The following PRR5L variants were observed in gnomAD, a reference collection of about 807,000 sequenced individuals.
PRR5L encodes the protein proline rich 5 like.
Under a neutral mutation model 36.4 loss-of-function variants are expected in PRR5L, and 21 were observed. The ratio of observed to expected loss-of-function variants is 0.58; its 90% CI spans 0.41 to 0.83. PRR5L has a LOEUF of 0.83. PRR5L is among the 40% of genes least tolerant of loss of function. PRR5L has a pLI of 0.00. For synonymous variants in PRR5L, 188 were observed against 197.0 expected (o/e 0.95, Z 0.38); for missense variants, 381 against 473.3 (o/e 0.80, Z 1.81).
chr11:36,390,874 T>G (rs1343210629), intron 1 of PRR5L, among the ~76,000 whole-genome samples: 1 of 152,206 alleles, frequency 6.6e-6, no homozygotes, highest in African/African-American at 2.4e-5. Flanking sequence ...ATCAAGGTTG[T>G]CATTAGAAAG....
intron 1 of PRR5L, among the ~76,000 whole-genome samples, chr11:36,347,753 A>G (rs547120718): frequency 1.3e-5 from 2 of 152,020 alleles, no homozygotes; most frequent in Admixed American, 6.6e-5. Flanking sequence ...TCCAGCCAGC[A>G]TGTAAGGGCG....
intron 6 of PRR5L, 89 bp downstream of exon 6, chr11:36,437,565 G>A (rs905924676): frequency 2.6e-6 from 2 of 764,438 alleles, no homozygotes; most frequent in African/African-American, 1.8e-5. Context: ...TGGTAAATGG[G>A]AGAAAACTTG....
chr11:36,448,526 A>C (rs147966821), intron 7 of PRR5L, among the ~76,000 whole-genome samples: 204 of 152,292 alleles, frequency 1.3e-3, no homozygotes, highest in African/African-American at 4.7e-3. Context: ...TAATCAAGGC[A>C]GGTCAATGTT....
chr11:36,423,488 G>A (rs1184515431), intron 4 of PRR5L, among the ~76,000 whole-genome samples: 4 of 152,184 alleles, frequency 2.6e-5, no homozygotes. Flanking sequence ...CAAGCTGGAT[G>A]GAGAGAAGAT....
intron 6 of PRR5L, among the ~76,000 whole-genome samples, chr11:36,440,044 G>A (rs1858687906): frequency 6.6e-6 from 1 of 152,134 alleles, no homozygotes; most frequent in African/African-American, 2.4e-5. Context: ...CAGTGCTCTG[G>A]TTAATGGCCC....
chr11:36,447,753 C>A (rs1858862172), intron 7 of PRR5L, among the ~76,000 whole-genome samples: 1 of 152,140 alleles, frequency 6.6e-6, no homozygotes, highest in Middle Eastern at 3.2e-3. Context: ...TCCCCCTTTC[C>A]TGTAATTAGA....
chr11:36,459,968 A>G (rs1859144246), intron 8 of PRR5L, among the ~76,000 whole-genome samples: 1 of 152,206 alleles, frequency 6.6e-6, no homozygotes, highest in South Asian at 2.1e-4. Flanking sequence ...AGGGAATGAA[A>G]ATTTTAAAGA....
chr11:36,434,505 G>T (rs1440965457), intron 5 of PRR5L, among the ~76,000 whole-genome samples: 1 of 152,180 alleles, frequency 6.6e-6, no homozygotes, highest in African/African-American at 2.4e-5. Flanking sequence ...ACAGGTGGCT[G>T]TTCATATCCA....
At chr11:36,396,513 A>T (rs1225216258) in intron 1 of PRR5L, among the ~76,000 whole-genome samples, 2 of 152,208 alleles carry the variant, frequency 1.3e-5, no homozygotes, top group African/African-American at 2.4e-5. Context: ...AAGCAGAGGG[A>T]GCTGCTGTTG....
intron 1 of PRR5L, among the ~76,000 whole-genome samples, chr11:36,323,059 C>A (rs188991119): frequency 6.6e-6 from 1 of 152,274 alleles, no homozygotes; most frequent in South Asian, 2.1e-4. Context: ...GCCCCCATAA[C>A]TGACAGAGGA....
intron 1 of PRR5L, among the ~76,000 whole-genome samples, chr11:36,324,788 A>C (rs1203814644): frequency 1.3e-5 from 2 of 152,180 alleles, no homozygotes; most frequent in African/African-American, 2.4e-5. Flanking sequence ...AGTCATCTAT[A>C]TTCCCACTAT....
rs201062914 is a variant in PRR5L at position 36,403,299 on chromosome 11, G to A, written c.166G>A (p.Val56Ile). 29 of 1,613,820 alleles carry A rather than the reference G, an allele frequency of 1.8e-5. No individual in the cohort carries two copies. The highest frequency in any genetic ancestry group is 5.3e-5 in the African/African-American group (4 of 75,026). The part of the protein sequence containing the change: ...QLSSSSAWNS[V>I]QTAVINVFKG... Reference sequence around the variant, plus strand: ...AGGGGTTATTCTCTTTTCCTGTAGCGTTCAGACTGCTGTGATCAACGTTTT... The same window carrying A: ...AGGGGTTATTCTCTTTTCCTGTAGCATTCAGACTGCTGTGATCAACGTTTT... The change falls in exon 3 of 9, where the codon GTT becomes ATT. Residue 56 changes from valine to isoleucine, a missense_variant and splice_region_variant. Coordinates refer to ENST00000530639, the MANE Select transcript of PRR5L (RefSeq NM_001160167.2).
intron 3 of PRR5L, 76 bp from the exon 4 acceptor site, chr11:36,419,179 C>A: frequency 7.2e-7 from 1 of 1,398,222 alleles, no homozygotes; most frequent in Non-Finnish European, 1.0e-6. Flanking sequence ...CCCCGTGCCA[C>A]TGGTGAGCAC....
intron 1 of PRR5L, among the ~76,000 whole-genome samples, chr11:36,305,323 C>T (rs1322454648): frequency 6.6e-6 from 1 of 152,004 alleles, no homozygotes; most frequent in African/African-American, 2.4e-5. Flanking sequence ...TCCAGAATTG[C>T]CAAATGTATA....
At chr11:36,430,909 T>A (rs331448) in intron 4 of PRR5L, among the ~76,000 whole-genome samples, 151,015 of 152,294 alleles carry the variant, frequency 0.99, 74,884 homozygotes, top group East Asian at 1. Flanking sequence ...GGTTTTATAA[T>A]GGAGAAGGCT....
intron 1 of PRR5L, among the ~76,000 whole-genome samples, chr11:36,364,808 G>T (rs1162486139): frequency 6.6e-6 from 1 of 152,168 alleles, no homozygotes; most frequent in Non-Finnish European, 1.5e-5. Flanking sequence ...TTTGAGTCCT[G>T]ACTTTCCTGC....
chr11:36,354,457 C>T (rs116782331), intron 1 of PRR5L, among the ~76,000 whole-genome samples: 2,712 of 152,180 alleles, frequency 0.018, 79 homozygotes, highest in African/African-American at 0.059. Flanking sequence ...GTTGCATCTG[C>T]GGTGGGTTTT....
At chr11:36,325,070 C>T (rs950503265) in intron 1 of PRR5L, among the ~76,000 whole-genome samples, 2 of 152,116 alleles carry the variant, frequency 1.3e-5, no homozygotes, top group African/African-American at 2.4e-5. Flanking sequence ...TGGCAAGCCT[C>T]GTGTTCTCTG....
At chr11:36,423,082 G>A (rs901453705) in intron 4 of PRR5L, among the ~76,000 whole-genome samples, 10 of 152,140 alleles carry the variant, frequency 6.6e-5, no homozygotes, top group African/African-American at 2.4e-4. Context: ...AGCCCAGAAA[G>A]TTCAATTCCT....
Sources: gnomAD v4.1 joint callset for allele counts (sites outside exome capture counted in the v4.1 genomes callset) on GRCh38, gnomAD v4.1.1 for gene constraint, MANE v1.5 for transcripts, NCBI Gene and HGNC (gene_info 2026-07-23, HGNC 2026-07-21) for gene names.